Variants in DIP2C observed in about 807,000 individuals in gnomAD.
The protein encoded by DIP2C is DIP2 acetate--CoA ligase C (putative), also known as disco-interacting protein 2 homolog C.
A neutral mutation model predicts 192.4 loss-of-function variants in DIP2C; 33 were observed. The ratio of observed to expected loss-of-function variants is 0.17; its 90% CI spans 0.13 to 0.23. The LOEUF (loss-of-function observed/expected upper bound fraction) is 0.23, where lower values mean the gene tolerates loss of function less well. DIP2C is among the 10% of genes least tolerant of loss of function. DIP2C has a pLI of 1.00. For synonymous variants in DIP2C, 979 were observed against 864.1 expected (o/e 1.13, Z -2.33); for missense variants, 1,537 against 2,110.1 (o/e 0.73, Z 5.32).
At chr10:453,944 CCT>C in intron 3 of DIP2C, among the ~76,000 whole-genome samples, 1 of 152,206 alleles carries the variant, frequency 6.6e-6, no homozygotes, top group Non-Finnish European at 1.5e-5. Flanking sequence ...TGTGCACAGC[CCT>C]GAGACTAAGA....
chr10:383,046 G>C (rs371559919), intron 16 of DIP2C, among the ~76,000 whole-genome samples: 2 of 152,200 alleles, frequency 1.3e-5, no homozygotes, highest in African/African-American at 4.8e-5. Context: ...TTTCAGTACA[G>C]AAGTTCCAAG....
At chr10:597,722 G>A (rs1398003907) in intron 1 of DIP2C, among the ~76,000 whole-genome samples, 3 of 152,196 alleles carry the variant, frequency 2.0e-5, no homozygotes, top group South Asian at 2.1e-4. Context: ...AGAGGCTCCT[G>A]AACTACTTCT....
intron 1 of DIP2C, among the ~76,000 whole-genome samples, chr10:576,326 T>C (rs576199774): frequency 6.6e-6 from 1 of 152,330 alleles, no homozygotes; most frequent in East Asian, 1.9e-4. Context: ...TCACTGACTC[T>C]TGACAATTAC....
At chr10:430,987 C>G (rs989726346) in intron 4 of DIP2C, among the ~76,000 whole-genome samples, 3 of 152,198 alleles carry the variant, frequency 2.0e-5, no homozygotes, top group Non-Finnish European at 4.4e-5. Context: ...GTTTGCTGCA[C>G]TGTATTGCCT....
intron 2 of DIP2C, among the ~76,000 whole-genome samples, chr10:480,134 C>CG (rs1288203848): frequency 6.8e-6 from 1 of 146,488 alleles, no homozygotes; most frequent in Non-Finnish European, 1.5e-5. Flanking sequence ...CCAGCCTGAG[C>CG]CCCGGTCCAT....
At chr10:585,902 T>C (rs1850994737) in intron 1 of DIP2C, among the ~76,000 whole-genome samples, 1 of 152,198 alleles carries the variant, frequency 6.6e-6, no homozygotes, top group Non-Finnish European at 1.5e-5. Flanking sequence ...ATTAGAGGGT[T>C]AAGGGGGGTT....
Position 565,538 on chromosome 10 carries a change from G to C in DIP2C, c.86-79008C>G, listed in dbSNP as rs188153142. 2.6e-5 allele frequency among the ~76,000 whole-genome samples: 4 copies of C among 151,998 alleles called. No individual in the cohort carries two copies. In the South Asian group the frequency reaches 8.3e-4, roughly 32 times the overall value. ...TGATGAACAATCAGTTTTTCCAATC[G>C]TAAGAGAGGCATTTTCCACAGACTA... On this transcript the variant is annotated intron_variant, in intron 1 of 36. Transcript: ENST00000280886.
chr10:656,163 ATT>A (rs1856301783), intron 1 of DIP2C, among the ~76,000 whole-genome samples: 1 of 3,058 alleles, frequency 3.3e-4, no homozygotes, highest in African/African-American at 1.2e-3. Flanking sequence ...TGTTTCTTCT[ATT>A]CTATGTTACC....
chr10:448,462 TCATC>T (rs1968515381), intron 3 of DIP2C, among the ~76,000 whole-genome samples: 1 of 138,334 alleles, frequency 7.2e-6, no homozygotes, highest in Non-Finnish European at 1.5e-5. Flanking sequence ...CAGGACCCAC[TCATC>T]CCCGTCTATA....
intron 2 of DIP2C, among the ~76,000 whole-genome samples, chr10:475,095 G>A (rs866373411): frequency 6.6e-6 from 1 of 152,064 alleles, no homozygotes; most frequent in African/African-American, 2.4e-5. Context: ...CTCTAACCTG[G>A]AGCCTCTGTT....
chr10:305,994 T>TATATATATA (rs201950305), intron 32 of DIP2C, among the ~76,000 whole-genome samples: 2 of 148,666 alleles, frequency 1.3e-5, no homozygotes, highest in African/African-American at 5.1e-5. Context: ...TATATATATA[T>TATATATATA]TATATTTTTT....
intron 1 of DIP2C, among the ~76,000 whole-genome samples, chr10:499,694 G>C (rs1349366145): frequency 6.6e-6 from 1 of 152,234 alleles, no homozygotes; most frequent in Non-Finnish European, 1.5e-5. Flanking sequence ...TCCACCCCCA[G>C]GATCCAATCA....
At position 520,212 on chromosome 10, in the gene DIP2C, C is replaced by T. The variant is rs12763075; in HGVS notation, c.86-33682G>A. On this transcript the variant is annotated intron_variant, in intron 1 of 36. Transcript: ENST00000280886. ...GTCGACATGCTTACAGGCAAAGTTT[C>T]CACACGGGCCTTCAACAAGCAGCGC... Among the ~76,000 whole-genome samples, 864 of 152,298 alleles carry T rather than the reference C, an allele frequency of 5.7e-3. 1 individual carries two copies. The highest frequency in any genetic ancestry group is 0.017 in the Middle Eastern group (5 of 292).
At chr10:539,785 T>C (rs1337507356) in intron 1 of DIP2C, among the ~76,000 whole-genome samples, 1 of 152,226 alleles carries the variant, frequency 6.6e-6, no homozygotes, top group Non-Finnish European at 1.5e-5. Flanking sequence ...ACTCATACTG[T>C]AAGCTGCTTT....
At chr10:574,089 C>T (rs764208614) in intron 1 of DIP2C, among the ~76,000 whole-genome samples, 2 of 152,188 alleles carry the variant, frequency 1.3e-5, no homozygotes, top group Non-Finnish European at 2.9e-5. Context: ...AACTTCAATG[C>T]TTTTCTCAAT....
intron 31 of DIP2C, among the ~76,000 whole-genome samples, chr10:313,474 G>A (rs1287697379): frequency 9.6e-5 from 4 of 41,670 alleles, no homozygotes; most frequent in South Asian, 1.5e-3. Context: ...CCAAATATTC[G>A]AAAAAACTGC....
In DIP2C at chr10:277,664, C is replaced by G. The variant is rs941384629; in HGVS notation, c.4419-87G>C. On this transcript the variant is annotated intron_variant, in intron 36 of 36. Coordinates refer to ENST00000280886, the MANE Select transcript of DIP2C (RefSeq NM_014974.3). ...GTTTCAAAGTTCCACTTGGCTCTCTCTGACCTGCCTGAGCACTGCCCGACA... is the reference window on the plus strand; with the variant it reads ...GTTTCAAAGTTCCACTTGGCTCTCTGTGACCTGCCTGAGCACTGCCCGACA... 6.5e-6 allele frequency: 10 copies of G among 1,531,854 alleles called. No individual in the cohort carries two copies. In the African/African-American group the frequency reaches 1.4e-4, roughly 21 times the overall value. 94.9% of individuals were successfully genotyped at this position (1,531,854 alleles called of 1,614,324 possible). A position where few individuals can be genotyped will look rare whatever the true frequency, so the allele number is the denominator to read the frequency against.
At chr10:548,397 G>GC (rs1848410748) in intron 1 of DIP2C, among the ~76,000 whole-genome samples, 1 of 142,516 alleles carries the variant, frequency 7.0e-6, no homozygotes, top group Non-Finnish European at 1.5e-5. Flanking sequence ...GCATCGAACA[G>GC]CCCCTCGGGA....
intron 1 of DIP2C, among the ~76,000 whole-genome samples, chr10:612,781 GTC>G (rs1320160189): frequency 1.3e-5 from 2 of 152,128 alleles, no homozygotes; most frequent in Non-Finnish European, 2.9e-5. Flanking sequence ...TTTGAACAGA[GTC>G]TCAAGAAATG....
Sources: gnomAD v4.1 joint callset for allele counts (sites outside exome capture counted in the v4.1 genomes callset) on GRCh38, gnomAD v4.1.1 for gene constraint, MANE v1.5 for transcripts, NCBI Gene and HGNC (gene_info 2026-07-23, HGNC 2026-07-21) for gene names.